The following PRLR variants were observed in gnomAD, a reference collection of about 807,000 sequenced individuals.
The protein encoded by PRLR is hPRL receptor.
A neutral mutation model predicts 40.2 loss-of-function variants in PRLR; 13 were observed. That is an observed-to-expected ratio of 0.32 (90% confidence interval 0.21 to 0.51). The LOEUF is 0.51. Among genes scored for constraint, PRLR ranks in the 20% least tolerant of loss-of-function variants. PRLR has a pLI of 0.97. For missense variants in PRLR, 656 were observed against 747.3 expected (o/e 0.88, Z 1.42); for synonymous variants, 269 against 278.7 (o/e 0.97, Z 0.35).
intron 2 of PRLR, among the ~76,000 whole-genome samples, chr5:35,092,172 G>A (rs748603721): frequency 5.9e-5 from 9 of 152,158 alleles, no homozygotes; most frequent in Non-Finnish European, 1.3e-4. Context: ...TCTTCAGGAA[G>A]TATTCTATGA....
chr5:35,105,211 G>C (rs941325146), intron 2 of PRLR, among the ~76,000 whole-genome samples: 1 of 152,116 alleles, frequency 6.6e-6, no homozygotes, highest in Non-Finnish European at 1.5e-5. Context: ...CACCAAAACC[G>C]CATCTGTACA....
At chr5:35,055,383 T>G (rs1188900837), downstream of PRLR, among the ~76,000 whole-genome samples, 1 of 152,128 alleles carries the variant, frequency 6.6e-6, no homozygotes, top group Non-Finnish European at 1.5e-5. Context: ...AAGGCTCGAG[T>G]CTGGCAGATG....
intron 1 of PRLR, among the ~76,000 whole-genome samples, chr5:35,183,778 G>A (rs1230750743): frequency 1.3e-5 from 2 of 152,178 alleles, no homozygotes; most frequent in African/African-American, 2.4e-5. Context: ...TAGATAAAAA[G>A]CCCACAACTG....
At chr5:35,070,400 C>A (rs1375640702) in intron 6 of PRLR, 135 bp from the exon 7 acceptor site, 28 of 947,668 alleles carry the variant, frequency 3.0e-5, no homozygotes, top group Non-Finnish European at 3.9e-5. Flanking sequence ...ACTCCACTGT[C>A]TTAGCCCTAT....
chr5:35,103,619 C>G (rs1772036382), intron 2 of PRLR, among the ~76,000 whole-genome samples: 1 of 152,168 alleles, frequency 6.6e-6, no homozygotes, highest in South Asian at 2.1e-4. Flanking sequence ...TAGTCAATTT[C>G]TTTTTATCTG....
intron 1 of PRLR, among the ~76,000 whole-genome samples, chr5:35,169,537 A>G (rs1293182102): frequency 6.6e-6 from 1 of 152,214 alleles, no homozygotes; most frequent in Non-Finnish European, 1.5e-5. Context: ...CCAAAAGGTT[A>G]ACCAAGGAGC....
chr5:35,227,437 A>C (rs1299279914), intron 1 of PRLR, among the ~76,000 whole-genome samples: 1 of 152,118 alleles, frequency 6.6e-6, no homozygotes, highest in Non-Finnish European at 1.5e-5. Context: ...TCCATGTTTC[A>C]GTTTCTTTAC....
At chr5:35,228,751 G>C in intron 1 of PRLR, among the ~76,000 whole-genome samples, 1 of 152,168 alleles carries the variant, frequency 6.6e-6, no homozygotes, top group East Asian at 1.9e-4. Context: ...ACCCATGACA[G>C]GGGAGCTGTC....
chr5:35,080,264 G>T lies in PRLR; in HGVS notation c.373+4206C>A, dbSNP rs566504648. ...AGAGTGAACAGGCAACCTACAGAAT[G>T]GGAGAAAATTTTTACAATCTACCCA... On this transcript the variant is annotated intron_variant, in intron 5 of 9. Transcript: ENST00000618457. 2.2e-3 allele frequency among the ~76,000 whole-genome samples: 333 copies of T among 152,210 alleles called. 1 individual carries two copies. The highest frequency in any genetic ancestry group is 7.7e-3 in the African/African-American group (318 of 41,534).
At chr5:35,131,699 C>CAT (rs2111778705) in intron 1 of PRLR, among the ~76,000 whole-genome samples, 1 of 152,192 alleles carries the variant, frequency 6.6e-6, no homozygotes, top group Non-Finnish European at 1.5e-5. Flanking sequence ...GAACTCTGAA[C>CAT]ATATATTTGG....
intron 1 of PRLR, among the ~76,000 whole-genome samples, chr5:35,152,377 T>C (rs999517239): frequency 2.0e-5 from 3 of 152,200 alleles, no homozygotes; most frequent in African/African-American, 7.2e-5. Context: ...GTTTCAGAAA[T>C]AGGTGGTGCC....
chr5:35,230,164 C>T (rs969347286), intron 1 of PRLR, 104 bp downstream of exon 1: 1 of 152,186 alleles, frequency 6.6e-6, no homozygotes, highest in Non-Finnish European at 1.5e-5. Context: ...CCCCGCTCTC[C>T]CCTTCAGCAC....
rs1337456446 is a variant in PRLR, at chr5:35,062,705, C to T, written c.*2384G>A. On this transcript the variant is annotated 3_prime_UTR_variant, in exon 10 of 10. Transcript: ENST00000618457. Reference sequence around the variant, plus strand: ...TAGACTATGTTAGGAAAGATTTAGTCTGCATTGGCTTTGAGGGTGACTGTC... The same window carrying T: ...TAGACTATGTTAGGAAAGATTTAGTTTGCATTGGCTTTGAGGGTGACTGTC... The T allele has an allele frequency of 1.3e-5, 2 of 152,160 alleles. No individual in the cohort carries two copies. Among genetic ancestry groups the T allele is most frequent in the East Asian group, 3.9e-4 (2 of 5,184 alleles). 9.4% of individuals were successfully genotyped at this position (152,160 alleles called of 1,614,324 possible).
At chr5:35,129,914 C>T (rs552104025) in intron 1 of PRLR, among the ~76,000 whole-genome samples, 1 of 152,108 alleles carries the variant, frequency 6.6e-6, no homozygotes, top group Non-Finnish European at 1.5e-5. Context: ...ACAAGGATAT[C>T]TGTCCAGAAT....
intron 2 of PRLR, among the ~76,000 whole-genome samples, chr5:35,106,207 AC>A (rs1355823368): frequency 2.6e-5 from 4 of 152,336 alleles, no homozygotes; most frequent in African/African-American, 9.6e-5. Flanking sequence ...GGCCTGCCTT[AC>A]AAGAGCTCCT....
chr5:35,177,938 G>C (rs756673758), intron 1 of PRLR, among the ~76,000 whole-genome samples: 4 of 151,638 alleles, frequency 2.6e-5, no homozygotes, highest in Non-Finnish European at 5.9e-5. Flanking sequence ...AGTGTATGAG[G>C]GTTCTAAATT....
At chr5:35,169,218 C>T (rs775436495) in intron 1 of PRLR, among the ~76,000 whole-genome samples, 3 of 152,068 alleles carry the variant, frequency 2.0e-5, no homozygotes, top group Non-Finnish European at 1.5e-5. Flanking sequence ...GTATTGGACT[C>T]GACACCTGAT....
intron 1 of PRLR, among the ~76,000 whole-genome samples, chr5:35,120,758 C>G (rs569414191): frequency 1.8e-4 from 27 of 152,304 alleles, no homozygotes; most frequent in African/African-American, 6.5e-4. Flanking sequence ...GAGTACTGTG[C>G]TCATTTCCCT....
chr5:35,050,785 CT>C (rs1190343703), downstream of PRLR, among the ~76,000 whole-genome samples: 2 of 152,158 alleles, frequency 1.3e-5, no homozygotes, highest in Non-Finnish European at 2.9e-5. Flanking sequence ...AATTCTTTCC[CT>C]CTCTTAACTA....
Sources: gnomAD v4.1 joint callset for allele counts (sites outside exome capture counted in the v4.1 genomes callset) on GRCh38, gnomAD v4.1.1 for gene constraint, MANE v1.5 for transcripts, NCBI Gene and HGNC (gene_info 2026-07-23, HGNC 2026-07-21) for gene names.